The following ZFP91 variants were observed in gnomAD, a reference collection of about 807,000 sequenced individuals.
The protein encoded by ZFP91 is E3 ubiquitin-protein ligase ZFP91.
In ZFP91, 7 loss-of-function variants were observed where a neutral mutation model predicts 63.5. The ratio of observed to expected loss-of-function variants is 0.11; its 90% CI spans 0.06 to 0.21. The LOEUF is 0.21. Ranked by LOEUF, ZFP91 falls within the 10% of genes least tolerant of loss-of-function variation. The pLI is 1.00. For synonymous variants in ZFP91, 330 were observed against 272.1 expected (o/e 1.21, Z -2.10); for missense variants, 628 against 736.6 (o/e 0.85, Z 1.71).
chr11:58,610,817 A>T, intron 4 of ZFP91, 133 bp from the exon 5 acceptor site: 2 of 665,002 alleles, frequency 3.0e-6, no homozygotes, highest in South Asian at 2.6e-5. Context: ...TTTCAGTCCA[A>T]TTAGGTCATT....
At chr11:58,613,930 C>G (rs1855708313) in intron 8 of ZFP91, among the ~76,000 whole-genome samples, 1 of 152,136 alleles carries the variant, frequency 6.6e-6, no homozygotes, top group African/African-American at 2.4e-5. Context: ...TACATAATCT[C>G]TTATCCCCAT....
chr11:58,596,822 A>AT (rs1400768056), intron 2 of ZFP91, among the ~76,000 whole-genome samples: 1 of 151,928 alleles, frequency 6.6e-6, no homozygotes, highest in Non-Finnish European at 1.5e-5. Context: ...GGAATTTTCT[A>AT]TAACGATGGC....
At chr11:58,611,240 T>G in intron 5 of ZFP91, 186 bp downstream of exon 5, 1 of 502,950 alleles carries the variant, frequency 2.0e-6, no homozygotes, top group East Asian at 3.2e-5. Flanking sequence ...TCTTTCCCAT[T>G]TGTAGAACTT....
Position 58,617,074 on chromosome 11 carries a change from G to A in ZFP91, c.1203-122G>A. ...AAAGAAGTATGTTACTGATTATTGT[G>A]TGTGTGTGTGTGTGTGTGTGTGTGT... On this transcript the variant is annotated intron_variant, in intron 10 of 10. Transcript: ENST00000316059. This position sits in a 1 kb window ranked among gnomAD's most constrained non-coding sequence, Gnocchi z 4.2. 1.5e-6 allele frequency: 1 copy of A among 663,582 alleles called. No individual in the cohort carries two copies. Among genetic ancestry groups the A allele is most frequent in the Non-Finnish European group, 2.3e-6 (1 of 427,576 alleles). The allele number at this position is 663,582 out of a possible 1,614,324, so 41.1% of individuals were successfully genotyped here.
In ZFP91 at chr11:58,579,471, G is replaced by A. The variant is rs900463438; in HGVS notation, c.190G>A (p.Ala64Thr). ...CCGAGGCCGGGCCGCTGCGGCCGCC[G>A]CCGCCGCAGCTGTGTCCCGCCGGAG... is the stretch of plus-strand genomic sequence containing the variant. ...RDRGRAAAAA[A>T]AAAVSRRRKA... Residue 64 changes from alanine to threonine, a missense_variant, in exon 1 of 11, where the codon GCC becomes ACC. By Grantham distance (58) the Ala-to-Thr change is moderately conservative. Around this residue, in one of 3 missense-constraint regions of ZFP91, gnomAD observed 437 missense variants for 380.3 expected, o/e 1.15. Transcript: ENST00000316059. The A allele has an allele frequency of 3.4e-6, 5 of 1,470,192 alleles. No homozygotes were observed. Among genetic ancestry groups the A allele is most frequent in the Admixed American group, 2.6e-5 (1 of 38,152 alleles). 91.1% of individuals were successfully genotyped at this position (1,470,192 alleles called of 1,614,324 possible).
At chr11:58,609,731 A>T in intron 2 of ZFP91, 99 bp from the exon 3 acceptor site, 1 of 1,073,022 alleles carries the variant, frequency 9.3e-7, no homozygotes, top group Non-Finnish European at 1.3e-6. Flanking sequence ...CTTTGAAAAT[A>T]TTTAATTTAT....
chr11:58,579,364 A>T lies in ZFP91; in HGVS notation c.83A>T (p.Glu28Val), dbSNP rs1855043157. 6.7e-7 allele frequency: 1 copy of T among 1,490,680 alleles called. No homozygotes were observed. The highest frequency in any genetic ancestry group is 2.9e-5 in the East Asian group (1 of 34,428). The allele number at this position is 1,490,680 out of a possible 1,614,324, so 92.3% of individuals were successfully genotyped here. ...GAGGCGGCCAAGGCGGCTCCGGAGGAGCCCCAACAACGGCCCCCTGAGGCG... is the reference window on the plus strand; with the variant it reads ...GAGGCGGCCAAGGCGGCTCCGGAGGTGCCCCAACAACGGCCCCCTGAGGCG... Reference protein sequence around the residue: ...GGEAAKAAPEEPQQRPPEAVA... With the variant: ...GGEAAKAAPEVPQQRPPEAVA... The change falls in exon 1 of 11, where the codon GAG becomes GTG. Residue 28 changes from glutamate (E) to valine (V), a missense_variant. Glu to Val is a moderately radical substitution (Grantham distance 121). This residue lies in a region of ZFP91 where 437 missense variants were observed against 380.3 expected (regional missense o/e 1.15). Coordinates refer to ENST00000316059, the MANE Select transcript of ZFP91 (RefSeq NM_053023.5).
chr11:58,603,236 T>A (rs1855519788), intron 2 of ZFP91, among the ~76,000 whole-genome samples: 1 of 152,212 alleles, frequency 6.6e-6, no homozygotes, highest in Non-Finnish European at 1.5e-5. Flanking sequence ...CCTTGTTTCT[T>A]CTTGCTTATA....
rs145069108 is a variant in ZFP91 at position 58,610,678 on chromosome 11, C to T, written c.618-272C>T. 5.3e-3 allele frequency among the ~76,000 whole-genome samples: 808 copies of T among 152,246 alleles called. 4 individuals are homozygous for T. The highest frequency in any genetic ancestry group is 0.018 in the African/African-American group (765 of 41,538). On this transcript the variant is annotated intron_variant, in intron 4 of 10. Transcript: ENST00000316059. Reference sequence around the variant, plus strand: ...TAGTAGGTCTTTTAATATAGCAGATCACCAGACAGTATTACAAAGTCAGTT... The same window carrying T: ...TAGTAGGTCTTTTAATATAGCAGATTACCAGACAGTATTACAAAGTCAGTT...
chr11:58,596,587 G>A lies in ZFP91; in HGVS notation c.370+11703G>A, dbSNP rs373563753. Among the ~76,000 whole-genome samples, 31 of 152,190 alleles carry A rather than the reference G, an allele frequency of 2.0e-4. No individual in the cohort carries two copies. The East Asian group carries it at 3.7e-3, about 18-fold the overall frequency. On this transcript the variant is annotated intron_variant, in intron 2 of 10. Coordinates refer to ENST00000316059, the MANE Select transcript of ZFP91 (RefSeq NM_053023.5). ...CTGATCGTCTGGCCCCTGTTCAAAA[G>A]CACTCATCTTCATCATGTCATCTTG... is the stretch of plus-strand genomic sequence containing the variant.
intron 1 of ZFP91, among the ~76,000 whole-genome samples, chr11:58,581,967 T>C (rs1855124829): frequency 6.6e-6 from 1 of 152,250 alleles, no homozygotes. Context: ...AATTATCTCT[T>C]GACTGTGTTT....
chr11:58,612,037 G>A (rs1855673594), intron 6 of ZFP91: 1 of 545,742 alleles, frequency 1.8e-6, no homozygotes, highest in Non-Finnish European at 3.2e-6. Context: ...GTCTTTCATA[G>A]TATTGCATAG....
intron 1 of ZFP91, 36 bp downstream of exon 1, chr11:58,579,658 C>T (rs781410325): frequency 1.3e-6 from 2 of 1,501,118 alleles, no homozygotes; most frequent in Admixed American, 2.3e-5. Flanking sequence ...GGAAAGACCC[C>T]CCTCTGTCCG....
At chr11:58,612,718 AC>A in intron 7 of ZFP91, 43 bp from the exon 8 acceptor site, 1 of 900,020 alleles carries the variant, frequency 1.1e-6, no homozygotes, top group East Asian at 2.8e-5. Flanking sequence ...GCAGAGTACC[AC>A]TTTTTTTTTT....
intron 2 of ZFP91, among the ~76,000 whole-genome samples, chr11:58,588,798 T>C (rs977158948): frequency 6.6e-6 from 1 of 152,174 alleles, no homozygotes; most frequent in African/African-American, 2.4e-5. Flanking sequence ...AGACACATTT[T>C]TATGCTTTTT....
At chr11:58,594,311 G>GCTAC (rs768206658) in intron 2 of ZFP91, among the ~76,000 whole-genome samples, 6 of 152,110 alleles carry the variant, frequency 3.9e-5, no homozygotes, top group South Asian at 2.1e-4. Context: ...TTATCAGCTA[G>GCTAC]CTACCACTTA....
At chr11:58,600,584 A>G (rs1313586326) in intron 2 of ZFP91, among the ~76,000 whole-genome samples, 1 of 152,082 alleles carries the variant, frequency 6.6e-6, no homozygotes, top group Non-Finnish European at 1.5e-5. Context: ...TTCTATATGT[A>G]AGGTCTTTTC....
chr11:58,597,874 T>C (rs1221970030), intron 2 of ZFP91, among the ~76,000 whole-genome samples: 2 of 152,182 alleles, frequency 1.3e-5, no homozygotes, highest in Non-Finnish European at 2.9e-5. Context: ...GACTTTTCTC[T>C]GCTTCTTGGA....
rs1855744679 is a variant in ZFP91, at chr11:58,616,122, G to A, written c.1103-594G>A. ...GTTGAAAGGTGCAGAAGATGGGTAG[G>A]AGAATAAGGTAAAGTAGTACAGGTG... On this transcript the variant is annotated intron_variant, in intron 9 of 10. Coordinates refer to ENST00000316059, the MANE Select transcript of ZFP91 (RefSeq NM_053023.5). Among the ~76,000 whole-genome samples, 3 of 152,176 alleles carry A rather than the reference G, an allele frequency of 2.0e-5. No homozygotes were observed. In the South Asian group the frequency reaches 6.2e-4, roughly 32 times the overall value.
Sources: gnomAD v4.1 joint callset for allele counts (sites outside exome capture counted in the v4.1 genomes callset) on GRCh38, gnomAD v4.1.1 for gene constraint, gnomAD v4.1.1 regional missense constraint, Gnocchi (gnomAD v3.1) non-coding constraint, MANE v1.5 for transcripts, NCBI Gene and HGNC (gene_info 2026-07-23, HGNC 2026-07-21) for gene names.